The following CYP7B1 variants were observed in gnomAD, a reference collection of about 807,000 sequenced individuals.
CYP7B1 encodes cytochrome P450 family 7 subfamily B member 1.
Under a neutral mutation model 42.7 loss-of-function variants are expected in CYP7B1, and 29 were observed. That is an observed-to-expected ratio of 0.68 (90% CI 0.51 to 0.93). CYP7B1 has a LOEUF of 0.93. Among genes scored for constraint, CYP7B1 ranks in the 40% least tolerant of loss-of-function variants. The probability of loss-of-function intolerance (pLI) is 0.00; values close to 1 mark genes in which losing one functional copy is unlikely to be tolerated. For synonymous variants in CYP7B1, 235 were observed against 218.2 expected, an observed-to-expected ratio of 1.08 and a Z score of -0.68; for missense variants, 655 against 600.5, an observed-to-expected ratio of 1.09 and a Z score of -0.95.
intron 1 of CYP7B1, among the ~76,000 whole-genome samples, chr8:64,787,291 G>T (rs1001909373): frequency 3.3e-5 from 5 of 152,060 alleles, no homozygotes; most frequent in African/African-American, 1.2e-4. Context: ...AAACTTTTAT[G>T]CTCTGCTTCC....
At position 64,615,710 on chromosome 8, in the gene CYP7B1, G is replaced by A. The variant is rs370511428; in HGVS notation, c.831C>T (p.His277=). The change falls in exon 3 of 6, where the codon CAC becomes CAT. Residue 277 remains histidine (H), a synonymous_variant. Transcript: ENST00000310193. ...TCTTACCTCCTATTTCAAGGTCCTC[G>A]TGCACATAATATTTCTCCAGGACAT... is the stretch of plus-strand genomic sequence containing the variant. ...RQDVLEKYYV[H]EDLEIGAHHL... is the part of the protein sequence containing the mutation. 1.7e-5 allele frequency: 27 copies of A among 1,613,314 alleles called. No individual in the cohort carries two copies. Among genetic ancestry groups the A allele is most frequent in the African/African-American group, 5.3e-5 (4 of 74,808 alleles).
chr8:64,688,178 C>T (rs1404999237), intron 1 of CYP7B1, among the ~76,000 whole-genome samples: 1 of 152,210 alleles, frequency 6.6e-6, no homozygotes, highest in East Asian at 1.9e-4. Context: ...GATATTCAGG[C>T]TGGGTCACTA....
At chr8:64,734,647 C>G (rs140033634) in intron 1 of CYP7B1, among the ~76,000 whole-genome samples, 1 of 152,194 alleles carries the variant, frequency 6.6e-6, no homozygotes, top group African/African-American at 2.4e-5. Context: ...CATAGCAGAT[C>G]CCCAGTGCCT....
chr8:64,753,601 G>A (rs1807762931), intron 1 of CYP7B1, among the ~76,000 whole-genome samples: 1 of 152,198 alleles, frequency 6.6e-6, no homozygotes, highest in Admixed American at 6.5e-5. Context: ...GGGCAGTGGT[G>A]AAATAGACAA....
At chr8:64,697,798 A>T (rs1048603575) in intron 1 of CYP7B1, among the ~76,000 whole-genome samples, 33 of 152,190 alleles carry the variant, frequency 2.2e-4, no homozygotes, top group Admixed American at 8.5e-4. Context: ...CACTGATAGA[A>T]ATGTCAGAAA....
At chr8:64,776,775 T>C (rs1380020284) in intron 1 of CYP7B1, among the ~76,000 whole-genome samples, 3 of 152,150 alleles carry the variant, frequency 2.0e-5, no homozygotes, top group Admixed American at 1.3e-4. Flanking sequence ...AAGGAGGTCA[T>C]AAGACTTTAA....
intron 1 of CYP7B1, among the ~76,000 whole-genome samples, chr8:64,757,418 C>T (rs964182612): frequency 3.3e-5 from 5 of 151,980 alleles, no homozygotes; most frequent in Non-Finnish European, 5.9e-5. Context: ...TATTATATGC[C>T]CAAATTTCTC....
intron 1 of CYP7B1, among the ~76,000 whole-genome samples, chr8:64,786,947 C>T (rs1373463072): frequency 6.6e-6 from 1 of 152,264 alleles, no homozygotes; most frequent in East Asian, 1.9e-4. Flanking sequence ...TTGAGGCTTG[C>T]ACCCTCTGAA....
intron 1 of CYP7B1, among the ~76,000 whole-genome samples, chr8:64,653,971 A>T (rs1200511600): frequency 6.6e-6 from 1 of 151,944 alleles, no homozygotes; most frequent in Non-Finnish European, 1.5e-5. Context: ...ATAAACTAAA[A>T]CTCTAAATAA....
intron 4 of CYP7B1, among the ~76,000 whole-genome samples, chr8:64,614,668 C>G (rs1156313909): frequency 6.6e-6 from 1 of 152,142 alleles, no homozygotes; most frequent in Non-Finnish European, 1.5e-5. Flanking sequence ...GCAATACTTT[C>G]CTTTTCAATC....
chr8:64,763,778 G>A (rs1412405592), intron 1 of CYP7B1, among the ~76,000 whole-genome samples: 1 of 152,216 alleles, frequency 6.6e-6, no homozygotes, highest in African/African-American at 2.4e-5. Flanking sequence ...GCATTAGCCA[G>A]CTGAGATCAT....
At chr8:64,704,737 AC>A (rs1470683672) in intron 1 of CYP7B1, among the ~76,000 whole-genome samples, 2 of 152,198 alleles carry the variant, frequency 1.3e-5, no homozygotes, top group Admixed American at 1.3e-4. Context: ...TATCTGTTAC[AC>A]ATTTATCTTA....
At chr8:64,783,505 G>A (rs1804466358) in intron 1 of CYP7B1, among the ~76,000 whole-genome samples, 1 of 151,296 alleles carries the variant, frequency 6.6e-6, no homozygotes, top group African/African-American at 2.4e-5. Flanking sequence ...TGTATGTCGG[G>A]TGAGAGGGCT....
chr8:64,716,194 G>C (rs1455731464), intron 1 of CYP7B1, among the ~76,000 whole-genome samples: 1 of 152,076 alleles, frequency 6.6e-6, no homozygotes, highest in Admixed American at 6.5e-5. Flanking sequence ...AGAAGTGGTT[G>C]CTTAAGTCCT....
chr8:64,779,894 T>C (rs1804391422), intron 1 of CYP7B1, among the ~76,000 whole-genome samples: 1 of 152,242 alleles, frequency 6.6e-6, no homozygotes, highest in South Asian at 2.1e-4. Flanking sequence ...AGCAGAATCT[T>C]AAGCACAGTT....
At chr8:64,688,278 G>A (rs1317885796) in intron 1 of CYP7B1, among the ~76,000 whole-genome samples, 1 of 152,144 alleles carries the variant, frequency 6.6e-6, no homozygotes, top group African/African-American at 2.4e-5. Context: ...AGAGACTTGG[G>A]TGGTGGCCAT....
chr8:64,703,513 T>A (rs1309227214), intron 1 of CYP7B1, among the ~76,000 whole-genome samples: 1 of 152,034 alleles, frequency 6.6e-6, no homozygotes, highest in Non-Finnish European at 1.5e-5. Flanking sequence ...AGCTAGGCCA[T>A]CAGGACCAGT....
At chr8:64,628,587 G>T (rs1371617377) in intron 1 of CYP7B1, among the ~76,000 whole-genome samples, 2 of 152,114 alleles carry the variant, frequency 1.3e-5, no homozygotes, top group African/African-American at 4.8e-5. Context: ...GGCAGAGGTT[G>T]CAGTGAGCCA....
intron 1 of CYP7B1, among the ~76,000 whole-genome samples, chr8:64,714,124 T>G (rs991079711): frequency 6.6e-5 from 10 of 152,216 alleles, no homozygotes; most frequent in Admixed American, 1.3e-4. Flanking sequence ...TGTTTCTGGC[T>G]TCAGCATTCA....
Sources: gnomAD v4.1 joint callset for allele counts (sites outside exome capture counted in the v4.1 genomes callset) on GRCh38, gnomAD v4.1.1 for gene constraint, MANE v1.5 for transcripts, NCBI Gene and HGNC (gene_info 2026-07-23, HGNC 2026-07-21) for gene names.